Variants in PTPRD observed in about 807,000 individuals in gnomAD.
The protein encoded by PTPRD is receptor-type tyrosine-protein phosphatase delta.
PTPRD carries 34 observed loss-of-function variants against 214.5 expected under a neutral mutation model. The observed-to-expected ratio is 0.16, with a 90% CI of 0.12 to 0.21. The LOEUF is 0.21. Among genes scored for constraint, PTPRD ranks in the 10% least tolerant of loss-of-function variants. PTPRD has a pLI of 1.00. For synonymous variants in PTPRD, 1,128 were observed against 845.7 expected (o/e 1.33, Z -5.79); for missense variants, 2,545 against 2,398.7 (o/e 1.06, Z -1.27).
At chr9:9,931,957 G>C (rs1290928403) in intron 5 of PTPRD, among the ~76,000 whole-genome samples, 2 of 152,028 alleles carry the variant, frequency 1.3e-5, no homozygotes, top group Admixed American at 6.5e-5. Context: ...GCACCCCCCA[G>C]CAGGGGCACA....
chr9:8,804,362 C>T (rs1036899170), intron 11 of PTPRD, among the ~76,000 whole-genome samples: 7 of 151,738 alleles, frequency 4.6e-5, no homozygotes, highest in East Asian at 1.9e-4. Context: ...TTTTGGGAAC[C>T]GAGAGCAGGA....
intron 7 of PTPRD, among the ~76,000 whole-genome samples, chr9:9,647,648 C>G (rs1484829739): frequency 1.3e-5 from 2 of 152,280 alleles, no homozygotes; most frequent in Non-Finnish European, 2.9e-5. Flanking sequence ...CCCTTTGACT[C>G]AGTGCCAAGG....
intron 35 of PTPRD, among the ~76,000 whole-genome samples, chr9:8,421,355 C>CTCTCT (rs370049246): frequency 9.0e-4 from 134 of 149,326 alleles, no homozygotes; most frequent in Middle Eastern, 3.5e-3. Context: ...CTTTCTTCTT[C>CTCTCT]TCTCTTCTCT....
chr9:8,809,745 G>A (rs970164072), intron 11 of PTPRD, among the ~76,000 whole-genome samples: 1 of 152,296 alleles, frequency 6.6e-6, no homozygotes, highest in East Asian at 1.9e-4. Context: ...GCTGTCGAGA[G>A]CCAGTGTTCA....
chr9:8,647,749 A>G (rs916897099), intron 12 of PTPRD, among the ~76,000 whole-genome samples: 2 of 152,242 alleles, frequency 1.3e-5, no homozygotes, highest in African/African-American at 4.8e-5. Flanking sequence ...GCAATGTGTC[A>G]GAATGTCCAA....
At chr9:9,039,822 G>C (rs1311195640) in intron 10 of PTPRD, among the ~76,000 whole-genome samples, 2 of 152,166 alleles carry the variant, frequency 1.3e-5, no homozygotes, top group Admixed American at 1.3e-4. Flanking sequence ...ATCTTTTTAA[G>C]TGATGGTAGA....
At position 10,205,861 on chromosome 9, in the gene PTPRD, T is replaced by G. The variant is rs551926655; in HGVS notation, c.-545+135102A>C. Among the ~76,000 whole-genome samples the G allele has an allele frequency of 2.0e-4, 31 of 152,290 alleles. 1 individual carries two copies. The East Asian group carries it at 5.6e-3, about 27-fold the overall frequency. ...ATAGGGTTAACTGCATTATTCACTT[T>G]GGGTTCAATTTTTCATTTATTGCAA... On this transcript the variant is annotated intron_variant, in intron 3 of 45. Transcript: ENST00000381196.
intron 9 of PTPRD, among the ~76,000 whole-genome samples, chr9:9,237,441 C>T (rs900222068): frequency 6.6e-6 from 1 of 151,958 alleles, no homozygotes; most frequent in Non-Finnish European, 1.5e-5. Context: ...ACAACAACAC[C>T]ACCACCACCC....
intron 14 of PTPRD, among the ~76,000 whole-genome samples, chr9:8,547,032 C>T (rs2080372377): frequency 6.6e-6 from 1 of 152,276 alleles, no homozygotes; most frequent in African/African-American, 2.4e-5. Context: ...ACTGTCATAC[C>T]ATTTTATCTT....
At chr9:8,714,767 C>T (rs2098412670) in intron 12 of PTPRD, among the ~76,000 whole-genome samples, 1 of 152,094 alleles carries the variant, frequency 6.6e-6, no homozygotes, top group Non-Finnish European at 1.5e-5. Flanking sequence ...CCCTACCCAC[C>T]CCCATCATGC....
At chr9:10,011,908 T>C (rs1261666368) in intron 4 of PTPRD, among the ~76,000 whole-genome samples, 2 of 151,990 alleles carry the variant, frequency 1.3e-5, no homozygotes, top group African/African-American at 4.8e-5. Flanking sequence ...TAAACCTTCA[T>C]AGAGTCCCTT....
intron 7 of PTPRD, among the ~76,000 whole-genome samples, chr9:9,612,035 A>G (rs2094540621): frequency 6.6e-6 from 1 of 152,104 alleles, no homozygotes; most frequent in South Asian, 2.1e-4. Flanking sequence ...TATATTTTAA[A>G]TTTTCAGCTT....
At chr9:8,514,561 G>A (rs1356901784) in intron 21 of PTPRD, among the ~76,000 whole-genome samples, 2 of 138,768 alleles carry the variant, frequency 1.4e-5, no homozygotes, top group African/African-American at 5.4e-5. Context: ...ATGTTTTCAT[G>A]TACTTCTGCA....
chr9:9,476,931 C>G (rs905489296), intron 8 of PTPRD, among the ~76,000 whole-genome samples: 8 of 151,864 alleles, frequency 5.3e-5, no homozygotes, highest in Admixed American at 5.3e-4. Flanking sequence ...GACGGGGTTT[C>G]TCTGTGTTAG....
chr9:9,830,471 T>C (rs978918459), intron 5 of PTPRD, among the ~76,000 whole-genome samples: 1 of 151,944 alleles, frequency 6.6e-6, no homozygotes, highest in African/African-American at 2.4e-5. Flanking sequence ...TAATCATATG[T>C]ACATTTACCT....
intron 3 of PTPRD, among the ~76,000 whole-genome samples, chr9:10,162,235 A>C (rs1170047960): frequency 6.6e-6 from 1 of 151,562 alleles, no homozygotes; most frequent in African/African-American, 2.4e-5. Context: ...TCAAAGAAAT[A>C]TGTACATTCC....
At chr9:8,402,531 C>T (rs980416552) in intron 36 of PTPRD, among the ~76,000 whole-genome samples, 2 of 152,090 alleles carry the variant, frequency 1.3e-5, no homozygotes, top group Non-Finnish European at 2.9e-5. Context: ...GTTCCCCAGG[C>T]GAGACCATGC....
intron 30 of PTPRD, among the ~76,000 whole-genome samples, chr9:8,479,817 A>G (rs1348183174): frequency 6.6e-6 from 1 of 152,184 alleles, no homozygotes; most frequent in South Asian, 2.1e-4. Context: ...CTTTTCCTGA[A>G]GAGACATGCA....
At chr9:9,374,962 G>T (rs568567286) in intron 9 of PTPRD, among the ~76,000 whole-genome samples, 2 of 152,138 alleles carry the variant, frequency 1.3e-5, no homozygotes, top group Non-Finnish European at 2.9e-5. Flanking sequence ...ACTTTTTAAA[G>T]AATTGGATAT....
Sources: gnomAD v4.1 joint callset for allele counts (sites outside exome capture counted in the v4.1 genomes callset) on GRCh38, gnomAD v4.1.1 for gene constraint, MANE v1.5 for transcripts, NCBI Gene and HGNC (gene_info 2026-07-23, HGNC 2026-07-21) for gene names.